TNFRSF14: variants seen among roughly 807,000 people sequenced by gnomAD.
TNFRSF14 encodes the protein tumor necrosis factor receptor superfamily member 14.
A neutral mutation model predicts 34.1 loss-of-function variants in TNFRSF14; 18 were observed. The ratio of observed to expected loss-of-function variants is 0.53; its 90% CI spans 0.36 to 0.78. TNFRSF14 has a LOEUF of 0.78. Among genes scored for constraint, TNFRSF14 ranks in the 30% least tolerant of loss-of-function variants. The pLI is 0.00. For missense variants in TNFRSF14, 352 were observed against 379.5 expected, an observed-to-expected ratio of 0.93 and a Z score of 0.60; for synonymous variants, 157 against 153.2, an observed-to-expected ratio of 1.02 and a Z score of -0.18.
chr1:2,556,547 G>T lies in TNFRSF14; in HGVS notation c.-118G>T. The T allele has an allele frequency of 9.5e-7, 1 of 1,054,048 alleles. No homozygotes were observed. The highest frequency in any genetic ancestry group is 1.4e-5 in the South Asian group (1 of 73,946). The allele number at this position is 1,054,048 out of a possible 1,614,324, so 65.3% of individuals were successfully genotyped here. On this transcript the variant is annotated 5_prime_UTR_variant, in exon 1 of 8. Transcript: ENST00000355716. The stretch of plus-strand genomic sequence containing the variant: ...AGGCACAGCTTGTCACACCGAGGCG[G>T]ATTCTCTTTCTCTTTCTCTTTCTCT...
At position 2,558,997 on chromosome 1, in the gene TNFRSF14, G is replaced by A. The variant is rs767297725; in HGVS notation, c.304+529G>A. On this transcript the variant is annotated intron_variant, in intron 3 of 7. Transcript: ENST00000355716. ...AGAGGTGGCCTTTGAGTCACTGAGC[G>A]CAGAGCCTGTCCATGCGGCCAACGG... 40 of 1,367,060 alleles carry A rather than the reference G, an allele frequency of 2.9e-5. No homozygotes were observed. The South Asian group carries it at 3.2e-4, about 11-fold the overall frequency. The allele number at this position is 1,367,060 out of a possible 1,614,324, so 84.7% of individuals were successfully genotyped here. A position where few individuals can be genotyped will look rare whatever the true frequency, so the allele number is the denominator to read the frequency against.
intron 3 of TNFRSF14, chr1:2,559,116 AC>A (rs1354080287): frequency 7.3e-7 from 1 of 1,363,882 alleles, no homozygotes. Context: ...CTGACGGCAC[AC>A]CTGGGGGCAG....
At position 2,561,862 on chromosome 1, in the gene TNFRSF14, C is replaced by G. The variant is rs1183424765; in HGVS notation, c.694+47C>G. ...CAGGGCTCATGTCCCCAGCCGTCAC[C>G]TCTTGGAGCTCTGTCACCCCAAGCC... On this transcript the variant is annotated intron_variant, in intron 6 of 7. Transcript: ENST00000355716. This position sits in a 1 kb window ranked among gnomAD's most constrained non-coding sequence, Gnocchi z 6.0. 2 of 1,577,732 alleles carry G rather than the reference C, an allele frequency of 1.3e-6. No homozygotes were observed. The highest frequency in any genetic ancestry group is 4.5e-5 in the East Asian group (2 of 44,662).
At chr1:2,560,403 C>T (rs969035711) in intron 4 of TNFRSF14, among the ~76,000 whole-genome samples, 7 of 152,098 alleles carry the variant, frequency 4.6e-5, no homozygotes, top group Non-Finnish European at 8.8e-5. Context: ...GAGGGACTCC[C>T]GGACTCATGA....
In TNFRSF14 at chr1:2,562,915, CT is replaced by C. The variant is rs1644331278; in HGVS notation, c.726+20del. The C allele has an allele frequency of 1.9e-6, 3 of 1,609,780 alleles. No homozygotes were observed. The highest frequency in any genetic ancestry group is 2.6e-6 in the Non-Finnish European group (3 of 1,176,368). On this transcript the variant is annotated intron_variant, in intron 7 of 7. Coordinates refer to ENST00000355716, the MANE Select transcript of TNFRSF14 (RefSeq NM_003820.4). ...CGTCCAGGTATTGATCCTCCTCCCC[CT>C]CTCCCTCCCCCCTCCACCTTCCCAC...
rs943749044 is a variant in TNFRSF14 at position 2,561,919 on chromosome 1, C to T, written c.694+104C>T. 1.2e-4 allele frequency: 157 copies of T among 1,293,184 alleles called. 1 individual carries two copies. The East Asian group carries it at 2.9e-3, about 24-fold the overall frequency. The allele number at this position is 1,293,184 out of a possible 1,614,324, so 80.1% of individuals were successfully genotyped here. On this transcript the variant is annotated intron_variant, in intron 6 of 7. Transcript: ENST00000355716. The surrounding 1 kb of genome is among the most constrained non-coding windows in gnomAD (Gnocchi z 6.0). ...GTGGCCCCAGAGCTTTTCCAGGATCCGCGGCTCCTCCCAGGGCAGCCACTG... is the reference window on the plus strand; with the variant it reads ...GTGGCCCCAGAGCTTTTCCAGGATCTGCGGCTCCTCCCAGGGCAGCCACTG...
Position 2,561,502 on chromosome 1 carries a change from G to A in TNFRSF14, c.552-171G>A, listed in dbSNP as rs1644307700. On this transcript the variant is annotated intron_variant, in intron 5 of 7. Coordinates refer to ENST00000355716, the MANE Select transcript of TNFRSF14 (RefSeq NM_003820.4). This position sits in a 1 kb window ranked among gnomAD's most constrained non-coding sequence, Gnocchi z 6.0. ...TCTCCACCTCCCCATAGCCGAGCTT[G>A]GAAAAGTCAGACAGACCTCTGAGGT... is the stretch of plus-strand genomic sequence containing the variant. 2 of 1,533,452 alleles carry A rather than the reference G, an allele frequency of 1.3e-6. No individual in the cohort carries two copies. Among genetic ancestry groups the A allele is most frequent in the African/African-American group, 1.4e-5 (1 of 72,242 alleles). The allele number at this position is 1,533,452 out of a possible 1,614,324, so 95.0% of individuals were successfully genotyped here. A position where few individuals can be genotyped will look rare whatever the true frequency, so the allele number is the denominator to read the frequency against.
intron 3 of TNFRSF14, 90 bp downstream of exon 3, chr1:2,558,558 C>T: frequency 6.3e-7 from 1 of 1,580,408 alleles, no homozygotes; most frequent in Non-Finnish European, 8.5e-7. Flanking sequence ...CACAGTGCCC[C>T]AGGAAGGCCC....
intron 6 of TNFRSF14, chr1:2,562,172 G>A (rs11573991): frequency 0.012 from 4,462 of 366,918 alleles, 185 homozygotes; most frequent in African/African-American, 0.084. Flanking sequence ...CCCTGCTGGG[G>A]ACAAGGCTTT....
At chr1:2,559,520 A>C in intron 3 of TNFRSF14, 1 of 1,488,038 alleles carries the variant, frequency 6.7e-7, no homozygotes, top group Non-Finnish European at 9.0e-7. Context: ...CTGCCCTGGA[A>C]CTGACAGTGC....
chr1:2,562,071 C>T (rs1425853462), intron 6 of TNFRSF14: 7 of 550,696 alleles, frequency 1.3e-5, no homozygotes, highest in Non-Finnish European at 2.3e-5. Context: ...CACTCTATGA[C>T]CCTGTGCTCC....
At chr1:2,560,252 G>A (rs1399781932) in intron 4 of TNFRSF14, among the ~76,000 whole-genome samples, 2 of 152,104 alleles carry the variant, frequency 1.3e-5, no homozygotes, top group African/African-American at 2.4e-5. Context: ...CCTCGCTCTC[G>A]GGCCCCTGGT....
Position 2,559,503 on chromosome 1 carries a change from C to A in TNFRSF14, c.305-320C>A, listed in dbSNP as rs2281852. On this transcript the variant is annotated intron_variant, in intron 3 of 7. Coordinates refer to ENST00000355716, the MANE Select transcript of TNFRSF14 (RefSeq NM_003820.4). ...GGCACGTGGGGCGAGGACCTGCCTG[C>A]GGGACCCTGCCCTGGAACTGACAGT... The A allele has an allele frequency of 0.51, 746,031 of 1,472,328 alleles. 191,666 individuals carry two copies. Among genetic ancestry groups the A allele is most frequent in the African/African-American group, 0.66 (47,439 of 72,148 alleles). 91.2% of individuals were successfully genotyped at this position (1,472,328 alleles called of 1,614,324 possible).
rs942550327 is a variant in TNFRSF14 at position 2,561,261 on chromosome 1, C to T, written c.552-412C>T. On this transcript the variant is annotated intron_variant, in intron 5 of 7. Transcript: ENST00000355716. The surrounding 1 kb of genome is among the most constrained non-coding windows in gnomAD (Gnocchi z 6.0). ...GCCTTCCATCCTGCTCTGCCCTCCT[C>T]GTCCTCTGGCCCCAGCTCAGTCCTG... 3 of 499,630 alleles carry T rather than the reference C, an allele frequency of 6.0e-6. No homozygotes were observed. Among genetic ancestry groups the T allele is most frequent in the South Asian group, 7.5e-5 (2 of 26,606 alleles). 30.9% of individuals were successfully genotyped at this position (499,630 alleles called of 1,614,324 possible). A position where few individuals can be genotyped will look rare whatever the true frequency, so the allele number is the denominator to read the frequency against.
rs2234160 is a variant in TNFRSF14 at position 2,559,725 on chromosome 1, G to A, written c.305-98G>A. On this transcript the variant is annotated intron_variant, in intron 3 of 7. Transcript: ENST00000355716. ...AGCCAGGGGTTCAGCCTGGCAGGGC[G>A]CCCTGGCAGCAGTCCTTGGCCTGTG... The A allele has an allele frequency of 0.033, 50,006 of 1,538,132 alleles. 909 individuals carry two copies. Among genetic ancestry groups the A allele is most frequent in the Non-Finnish European group, 0.037 (42,499 of 1,147,256 alleles).
At chr1:2,558,046 G>T (rs1180885899) in intron 2 of TNFRSF14, among the ~76,000 whole-genome samples, 3 of 152,168 alleles carry the variant, frequency 2.0e-5, no homozygotes, top group African/African-American at 4.8e-5. Flanking sequence ...CTGCACAGGG[G>T]GTGGGTCTGA....
chr1:2,558,719 T>TA (rs1229448702), intron 3 of TNFRSF14: 4 of 1,125,206 alleles, frequency 3.6e-6, no homozygotes, highest in Non-Finnish European at 4.9e-6. Flanking sequence ...GACTGACCCT[T>TA]ATCCCTCGTC....
intron 6 of TNFRSF14, 189 bp downstream of exon 6, chr1:2,562,004 T>C (rs1223981210): frequency 6.0e-6 from 4 of 662,014 alleles, no homozygotes; most frequent in Non-Finnish European, 1.0e-5. Context: ...CTGGCCTCCC[T>C]GGGGGAAGGG....
chr1:2,559,983 G>A lies in TNFRSF14; in HGVS notation c.460+5G>A. On this transcript the variant is annotated splice_donor_5th_base_variant and intron_variant, in intron 4 of 7. Transcript: ENST00000355716. ...GCCAGAGGGTGCAGAAGGGAGGTAAGCGGTGGGTGGCGGACACCCCTCCCA... is the reference window on the plus strand; with the variant it reads ...GCCAGAGGGTGCAGAAGGGAGGTAAACGGTGGGTGGCGGACACCCCTCCCA... 6.5e-7 allele frequency: 1 copy of A among 1,537,838 alleles called. No individual in the cohort carries two copies. The highest frequency in any genetic ancestry group is 2.4e-5 in the East Asian group (1 of 41,900).
Sources: gnomAD v4.1 joint callset for allele counts (sites outside exome capture counted in the v4.1 genomes callset) on GRCh38, gnomAD v4.1.1 for gene constraint, Gnocchi (gnomAD v3.1) non-coding constraint, MANE v1.5 for transcripts, NCBI Gene and HGNC (gene_info 2026-07-23, HGNC 2026-07-21) for gene names.